Variants in KRAS observed in about 807,000 individuals in gnomAD.
The protein encoded by KRAS is KRas proto-oncogene, GTPase.
KRAS carries 1 observed loss-of-function variant against 21.0 expected under a neutral mutation model. That is an observed-to-expected ratio of 0.05 (90% CI 0.02 to 0.23). The LOEUF (loss-of-function observed/expected upper bound fraction) is 0.23, where lower values mean the gene tolerates loss of function less well. Ranked by LOEUF, KRAS falls within the 10% of genes least tolerant of loss-of-function variation. The probability of loss-of-function intolerance (pLI) is 1.00; values close to 1 mark genes in which losing one functional copy is unlikely to be tolerated. For missense variants in KRAS, 107 were observed against 221.8 expected (o/e 0.48, Z 3.29); for synonymous variants, 67 against 72.5 (o/e 0.92, Z 0.39).
intron 2 of KRAS, among the ~76,000 whole-genome samples, chr12:25,230,260 C>T (rs12579942): frequency 0.49 from 74,208 of 152,016 alleles, 19,167 homozygotes; most frequent in East Asian, 0.8. Flanking sequence ...TACAAATCTA[C>T]TATGTGTTTA....
intron 1 of KRAS, among the ~76,000 whole-genome samples, chr12:25,249,340 T>C (rs1179901287): frequency 1.3e-5 from 2 of 152,006 alleles, no homozygotes; most frequent in African/African-American, 2.4e-5. Flanking sequence ...GAGGTTGCAG[T>C]GAGCCGAGAC....
Position 25,206,141 on chromosome 12 carries a change from A to G in KRAS, c.*3654T>C. On this transcript the variant is annotated 3_prime_UTR_variant, in exon 5 of 5. Transcript: ENST00000311936. The stretch of plus-strand genomic sequence containing the variant: ...AAAAAATCAATGGAATACAAATGAG[A>G]TGAACTTGTGCAAACTGTAACTTAA... 1 of 216,816 alleles carries G rather than the reference A, an allele frequency of 4.6e-6. No homozygotes were observed. Among genetic ancestry groups the G allele is most frequent in the East Asian group, 7.0e-5 (1 of 14,312 alleles). The allele number at this position is 216,816 out of a possible 1,614,324, so 13.4% of individuals were successfully genotyped here. A position where few individuals can be genotyped will look rare whatever the true frequency, so the allele number is the denominator to read the frequency against.
intron 2 of KRAS, among the ~76,000 whole-genome samples, chr12:25,236,946 T>C (rs1277370918): frequency 6.6e-6 from 1 of 152,182 alleles, no homozygotes; most frequent in Non-Finnish European, 1.5e-5. Flanking sequence ...TGTACATAAA[T>C]GTTTATAGTG....
At chr12:25,217,055 T>C (rs996618312) in intron 4 of KRAS, among the ~76,000 whole-genome samples, 3 of 152,192 alleles carry the variant, frequency 2.0e-5, no homozygotes, top group Non-Finnish European at 2.9e-5. Context: ...CTTTCTGAGA[T>C]TGGTAACATC....
intron 4 of KRAS, chr12:25,210,566 G>A (rs933997073): frequency 6.6e-6 from 1 of 151,924 alleles, no homozygotes; most frequent in Non-Finnish European, 1.5e-5. Context: ...CCCAACACAG[G>A]AGAATACCAC....
chr12:25,228,176 ATCT>A (rs1047211412), intron 2 of KRAS, among the ~76,000 whole-genome samples: 1 of 103,558 alleles, frequency 9.7e-6, no homozygotes, highest in African/African-American at 3.7e-5. Flanking sequence ...TTTTTCTTTC[ATCT>A]TTTTTTTTTT....
chr12:25,215,773 A>G (rs1173103063), intron 4 of KRAS, among the ~76,000 whole-genome samples: 2 of 152,128 alleles, frequency 1.3e-5, no homozygotes, highest in African/African-American at 4.8e-5. Flanking sequence ...TTTCTAATGG[A>G]ATTAAATTTT....
At position 25,225,412 on chromosome 12, in the gene KRAS, C is replaced by T. The variant is rs1320788618; in HGVS notation, c.450+202G>A. On this transcript the variant is annotated intron_variant, in intron 4 of 4. Coordinates refer to ENST00000311936, the MANE Select transcript of KRAS (RefSeq NM_004985.5). ...GTGCTCAGAATTGAAGAGAAATTTT[C>T]AATGTAGAAAGAAACCAAAGCCAAA... 5 of 465,408 alleles carry T rather than the reference C, an allele frequency of 1.1e-5. No individual in the cohort carries two copies. The Admixed American group carries it at 1.5e-4, about 14-fold the overall frequency. The allele number at this position is 465,408 out of a possible 1,614,324, so 28.8% of individuals were successfully genotyped here.
chr12:25,225,712 A>G lies in KRAS; in HGVS notation c.352T>C (p.Cys118Arg), dbSNP rs1951384485. The change falls in exon 4 of 5, where the codon TGT (cysteine) becomes CGT (arginine). Residue 118 changes from cysteine (C) to arginine (R), a missense_variant. Physicochemically the swap from Cys to Arg is radical, Grantham distance 180 (BLOSUM62 -3). This residue lies in a region of KRAS where 65 missense variants were observed against 82.3 expected (regional missense o/e 0.79). Transcript: ENST00000311936. ...TCTACTGTTCTAGAAGGCAAATCAC[A>G]TTTATTTCCTACTAGGACCATAGGT... ...DVPMVLVGNK[C>R]DLPSRTVDTK... 1 of 1,612,978 alleles carries G rather than the reference A, an allele frequency of 6.2e-7. No individual in the cohort carries two copies. Among genetic ancestry groups the G allele is most frequent in the Non-Finnish European group, 8.5e-7 (1 of 1,179,288 alleles).
At chr12:25,237,803 T>A (rs1951562392) in intron 2 of KRAS, among the ~76,000 whole-genome samples, 1 of 152,220 alleles carries the variant, frequency 6.6e-6, no homozygotes, top group Non-Finnish European at 1.5e-5. Context: ...CATTATTTTA[T>A]ATACTACACG....
intron 4 of KRAS, among the ~76,000 whole-genome samples, chr12:25,210,400 T>TGA (rs1256253586): frequency 5.3e-5 from 8 of 152,160 alleles, no homozygotes; most frequent in Non-Finnish European, 1.2e-4. Flanking sequence ...GATTTAAAAA[T>TGA]TTACCAAGAA....
chr12:25,242,207 A>G (rs1021808515), intron 2 of KRAS, among the ~76,000 whole-genome samples: 1 of 152,210 alleles, frequency 6.6e-6, no homozygotes, highest in Non-Finnish European at 1.5e-5. Context: ...CAATAAAAGC[A>G]TGCTGATGTC....
At chr12:25,236,192 A>G (rs1951543124) in intron 2 of KRAS, among the ~76,000 whole-genome samples, 1 of 152,274 alleles carries the variant, frequency 6.6e-6, no homozygotes, top group Admixed American at 6.5e-5. Flanking sequence ...GGTCATGTGT[A>G]TATTAAGTAA....
intron 2 of KRAS, among the ~76,000 whole-genome samples, chr12:25,242,416 T>C (rs989401496): frequency 2.0e-5 from 3 of 152,200 alleles, no homozygotes; most frequent in Non-Finnish European, 4.4e-5. Context: ...AGGGTTTTGA[T>C]AATAAATGAT....
chr12:25,247,662 G>C (rs1186862647), intron 1 of KRAS, among the ~76,000 whole-genome samples: 2 of 152,124 alleles, frequency 1.3e-5, no homozygotes, highest in South Asian at 4.1e-4. Flanking sequence ...AGACTTTTCT[G>C]GTGTGCAAGA....
rs76011490 is a variant in KRAS at position 25,240,719 on chromosome 12, C to T, written c.111+4555G>A. Among the ~76,000 whole-genome samples the T allele has an allele frequency of 1.7e-3, 252 of 152,262 alleles. 1 individual carries two copies. Among genetic ancestry groups the T allele is most frequent in the African/African-American group, 5.8e-3 (240 of 41,558 alleles). ...ACCATAAAATCATTTTTTCCTTTCACTTAATTCCATTACCAACTTCCATTT... is the reference window on the plus strand; with the variant it reads ...ACCATAAAATCATTTTTTCCTTTCATTTAATTCCATTACCAACTTCCATTT... On this transcript the variant is annotated intron_variant, in intron 2 of 4. Transcript: ENST00000311936.
intron 2 of KRAS, among the ~76,000 whole-genome samples, chr12:25,239,737 G>A (rs1262355289): frequency 2.6e-5 from 4 of 152,078 alleles, no homozygotes; most frequent in African/African-American, 2.4e-5. Flanking sequence ...GGCAGATCAC[G>A]AGGTCAGGAG....
intron 4 of KRAS, among the ~76,000 whole-genome samples, chr12:25,219,225 C>T (rs1179989938): frequency 5.3e-5 from 8 of 152,118 alleles, no homozygotes; most frequent in Admixed American, 2.0e-4. Flanking sequence ...CATGAGCCAC[C>T]GTGCCTAGCC....
chr12:25,248,077 T>G (rs939602857), intron 1 of KRAS, among the ~76,000 whole-genome samples: 21 of 152,000 alleles, frequency 1.4e-4, no homozygotes, highest in African/African-American at 5.1e-4. Context: ...AGTACGCTGG[T>G]CTCCAACTCC....
Sources: gnomAD v4.1 joint callset for allele counts (sites outside exome capture counted in the v4.1 genomes callset) on GRCh38, gnomAD v4.1.1 for gene constraint, gnomAD v4.1.1 regional missense constraint, MANE v1.5 for transcripts, NCBI Gene and HGNC (gene_info 2026-07-23, HGNC 2026-07-21) for gene names.